The following TMEM131L variants were observed in gnomAD, a reference collection of about 807,000 sequenced individuals.
TMEM131L encodes transmembrane protein 131-like.
Under a neutral mutation model 192.2 loss-of-function variants are expected in TMEM131L, and 54 were observed. The observed-to-expected ratio is 0.28, with a 90% CI of 0.23 to 0.35. TMEM131L has a LOEUF of 0.35. Ranked by LOEUF, TMEM131L falls within the 10% of genes least tolerant of loss-of-function variation. TMEM131L has a pLI of 1.00. For missense variants in TMEM131L, 1,888 were observed against 1,972.9 expected, an observed-to-expected ratio of 0.96 and a Z score of 0.82; for synonymous variants, 701 against 704.9, an observed-to-expected ratio of 0.99 and a Z score of 0.09.
At chr4:153,636,253 C>CT (rs3214684) in intron 34 of TMEM131L, 48 bp from the exon 35 acceptor site, 153 of 1,488,818 alleles carry the variant, frequency 1.0e-4, no homozygotes, top group African/African-American at 2.8e-4. Flanking sequence ...CTTTCTAAGG[C>CT]TTTTTTTTTT....
intron 21 of TMEM131L, among the ~76,000 whole-genome samples, chr4:153,599,702 A>G (rs1276251211): frequency 6.6e-6 from 1 of 152,218 alleles, no homozygotes; most frequent in African/African-American, 2.4e-5. Context: ...ACTTTTTGTG[A>G]TGATGAAAAT....
intron 2 of TMEM131L, among the ~76,000 whole-genome samples, chr4:153,470,920 C>T (rs1007561269): frequency 2.0e-5 from 3 of 152,174 alleles, no homozygotes; most frequent in African/African-American, 7.2e-5. Context: ...GACTCCTGCC[C>T]TGCAGTGGCA....
At position 153,592,601 on chromosome 4, in the gene TMEM131L, T is replaced by C; in HGVS notation, c.1922+17T>C. The C allele has an allele frequency of 1.3e-6, 2 of 1,525,144 alleles. No homozygotes were observed. The highest frequency in any genetic ancestry group is 1.8e-6 in the Non-Finnish European group (2 of 1,098,786). 94.5% of individuals were successfully genotyped at this position (1,525,144 alleles called of 1,614,324 possible). A position where few individuals can be genotyped will look rare whatever the true frequency, so the allele number is the denominator to read the frequency against. On this transcript the variant is annotated intron_variant, in intron 18 of 34. Transcript: ENST00000409959. ...CCACAGATGGTATGAAGACTTTTTT[T>C]CTGAGAGGCAGTTTGGGAAGTACTT... is the stretch of plus-strand genomic sequence containing the variant.
intron 21 of TMEM131L, among the ~76,000 whole-genome samples, chr4:153,599,347 C>T (rs1315861856): frequency 1.3e-5 from 2 of 152,108 alleles, no homozygotes; most frequent in African/African-American, 4.8e-5. Flanking sequence ...CATCAGGTCC[C>T]ACCTCCAACA....
At chr4:153,589,130 G>A (rs2150814455) in intron 16 of TMEM131L, 123 bp downstream of exon 16, 1 of 616,512 alleles carries the variant, frequency 1.6e-6, no homozygotes, top group Non-Finnish European at 2.9e-6. Context: ...GCCTGAAACT[G>A]TAGCAGACCC....
At chr4:153,600,887 G>A (rs1181677321) in intron 21 of TMEM131L, among the ~76,000 whole-genome samples, 2 of 152,188 alleles carry the variant, frequency 1.3e-5, no homozygotes, top group Non-Finnish European at 2.9e-5. Context: ...GAGGCAGACG[G>A]ATCACTTGTG....
chr4:153,602,847 T>G, intron 23 of TMEM131L, 120 bp downstream of exon 23: 1 of 869,722 alleles, frequency 1.1e-6, no homozygotes, highest in Admixed American at 2.3e-5. Flanking sequence ...GAATTGTTAC[T>G]GCTTCAAGAA....
intron 3 of TMEM131L, among the ~76,000 whole-genome samples, chr4:153,487,717 T>TGAGA (rs1732444859): frequency 6.9e-6 from 1 of 145,386 alleles, no homozygotes; most frequent in Non-Finnish European, 1.5e-5. Flanking sequence ...TGTGTGTGTG[T>TGAGA]GTGAGAGAGA....
At chr4:153,561,675 A>G (rs1728854885) in intron 7 of TMEM131L, among the ~76,000 whole-genome samples, 1 of 152,176 alleles carries the variant, frequency 6.6e-6, no homozygotes, top group Non-Finnish European at 1.5e-5. Flanking sequence ...CTGTGGCCCC[A>G]TTCCTGGCTC....
At chr4:153,523,409 A>T (rs1735254231) in intron 3 of TMEM131L, among the ~76,000 whole-genome samples, 1 of 152,220 alleles carries the variant, frequency 6.6e-6, no homozygotes, top group Non-Finnish European at 1.5e-5. Context: ...CATTTTAGGA[A>T]TGAATGGAGG....
At chr4:153,578,676 A>G (rs1730129816) in intron 7 of TMEM131L, among the ~76,000 whole-genome samples, 1 of 151,936 alleles carries the variant, frequency 6.6e-6, no homozygotes, top group South Asian at 2.1e-4. Context: ...ACCCGCCACC[A>G]CACCCAGCTA....
intron 3 of TMEM131L, among the ~76,000 whole-genome samples, chr4:153,485,121 T>TCAA (rs1704813361): frequency 9.4e-6 from 1 of 106,890 alleles, no homozygotes; most frequent in Non-Finnish European, 1.9e-5. Context: ...TCTGTCTCAT[T>TCAA]AAAAAAAAAA....
At chr4:153,564,977 A>G (rs2150551951) in intron 7 of TMEM131L, among the ~76,000 whole-genome samples, 1 of 152,178 alleles carries the variant, frequency 6.6e-6, no homozygotes, top group East Asian at 1.9e-4. Flanking sequence ...TCCCTTTTCC[A>G]CAAGCTCTCT....
intron 31 of TMEM131L, among the ~76,000 whole-genome samples, chr4:153,629,453 C>G (rs1734067698): frequency 6.6e-6 from 1 of 152,210 alleles, no homozygotes; most frequent in Admixed American, 6.5e-5. Context: ...GGGTCATTCT[C>G]ATCAGCACAC....
At chr4:153,556,643 A>G (rs28760580) in intron 5 of TMEM131L, among the ~76,000 whole-genome samples, 5,776 of 152,304 alleles carry the variant, frequency 0.038, 378 homozygotes, top group African/African-American at 0.13. Flanking sequence ...GTTATTGTCT[A>G]TATTTAAGTA....
chr4:153,470,259 A>AT (rs1161895918), intron 2 of TMEM131L, among the ~76,000 whole-genome samples: 1 of 152,148 alleles, frequency 6.6e-6, no homozygotes, highest in Non-Finnish European at 1.5e-5. Flanking sequence ...CTTTGAGAAG[A>AT]TTAAGTGCCT....
intron 31 of TMEM131L, among the ~76,000 whole-genome samples, chr4:153,628,681 G>C (rs905256002): frequency 2.0e-5 from 3 of 152,196 alleles, no homozygotes; most frequent in Admixed American, 6.5e-5. Context: ...TCCATAGTTT[G>C]CAAAGGCAAG....
At chr4:153,586,036 G>A (rs1021654250) in intron 13 of TMEM131L, among the ~76,000 whole-genome samples, 173 bp from the exon 14 acceptor site, 2 of 152,060 alleles carry the variant, frequency 1.3e-5, no homozygotes, top group Admixed American at 6.5e-5. Context: ...GTCATCTTAA[G>A]CATTATTTGT....
chr4:153,584,985 C>G, intron 12 of TMEM131L, 54 bp downstream of exon 12: 1 of 1,340,406 alleles, frequency 7.5e-7, no homozygotes, highest in Non-Finnish European at 1.1e-6. Flanking sequence ...TGTTGTTTTC[C>G]CCTCTAGAAA....
Sources: allele counts gnomAD v4.1 joint callset (sites outside exome capture counted in the v4.1 genomes callset), GRCh38; gene constraint gnomAD v4.1.1; transcripts MANE v1.5; gene names NCBI Gene and HGNC (gene_info 2026-07-23, HGNC 2026-07-21).